LIMS1: variants seen among roughly 807,000 people sequenced by gnomAD.
LIMS1 encodes LIM and senescent cell antigen-like-containing domain protein 1.
Under a neutral mutation model 44.1 loss-of-function variants are expected in LIMS1, and 18 were observed. That is an observed-to-expected ratio of 0.41 (90% CI 0.28 to 0.61). The LOEUF is 0.61. LIMS1 is among the 20% of genes least tolerant of loss of function. The pLI, the probability that LIMS1 is intolerant of heterozygous loss-of-function variation, is 0.32. For synonymous variants in LIMS1, 93 were observed against 149.1 expected (o/e 0.62, Z 2.74); for missense variants, 201 against 422.0 (o/e 0.48, Z 4.59).
chr2:108,676,088 C>T (rs1692542433), intron 6 of LIMS1, 60 bp downstream of exon 6: 1 of 1,515,984 alleles, frequency 6.6e-7, no homozygotes, highest in Non-Finnish European at 8.9e-7. Flanking sequence ...TAAGGGGTAA[C>T]CAATACTTTC....
At chr2:108,592,090 C>T (rs1231286564) in intron 1 of LIMS1, among the ~76,000 whole-genome samples, 1 of 152,236 alleles carries the variant, frequency 6.6e-6, no homozygotes, top group East Asian at 1.9e-4. Context: ...CCACCACGCC[C>T]AGCCTAGTTT....
At chr2:108,647,926 A>G (rs1573546771) in intron 1 of LIMS1, among the ~76,000 whole-genome samples, 2 of 152,254 alleles carry the variant, frequency 1.3e-5, no homozygotes, top group East Asian at 1.9e-4. Context: ...GCCCTCTCTT[A>G]CCACTCCTAT....
chr2:108,603,266 C>G (rs1687104679), intron 1 of LIMS1, among the ~76,000 whole-genome samples: 1 of 152,006 alleles, frequency 6.6e-6, no homozygotes, highest in South Asian at 2.1e-4. Context: ...CAGGTCCTGG[C>G]CTTTTCTTTA....
intron 1 of LIMS1, among the ~76,000 whole-genome samples, chr2:108,648,501 G>T (rs1341725350): frequency 6.6e-6 from 1 of 152,120 alleles, no homozygotes; most frequent in Non-Finnish European, 1.5e-5. Context: ...GCATAGCCAA[G>T]ACATTCCTAA....
At chr2:108,644,621 G>A (rs189440701) in intron 1 of LIMS1, among the ~76,000 whole-genome samples, 1 of 152,124 alleles carries the variant, frequency 6.6e-6, no homozygotes, top group Non-Finnish European at 1.5e-5. Flanking sequence ...TTGCCAGCAA[G>A]GGAGCAAAAC....
At chr2:108,685,823 G>T (rs1490621666) in exon 10 of LIMS1, 1 of 152,146 alleles carries the variant, frequency 6.6e-6, no homozygotes, top group African/African-American at 2.4e-5. Context: ...ACAGAACAGG[G>T]TTTGCAGTAT....
exon 10 of LIMS1, chr2:108,683,935 A>G (rs1693176602): frequency 2.7e-5 from 43 of 1,605,898 alleles, no homozygotes; most frequent in Non-Finnish European, 3.7e-5. Context: ...AAGTGCTATG[A>G]GAAATTTCCA....
At chr2:108,547,158 C>T (rs1413078072) in intron 1 of LIMS1, among the ~76,000 whole-genome samples, 2 of 152,196 alleles carry the variant, frequency 1.3e-5, no homozygotes, top group African/African-American at 4.8e-5. Context: ...TGGTGTGCTT[C>T]CACACTTACT....
intron 1 of LIMS1, among the ~76,000 whole-genome samples, chr2:108,565,212 G>A (rs931444909): frequency 1.8e-4 from 28 of 152,100 alleles, no homozygotes; most frequent in African/African-American, 6.5e-4. Context: ...TTTTTAAATG[G>A]AATGTATGGA....
chr2:108,555,930 CT>C (rs1684911064), intron 1 of LIMS1, among the ~76,000 whole-genome samples: 1 of 151,988 alleles, frequency 6.6e-6, no homozygotes, highest in African/African-American at 2.4e-5. Context: ...ATTGGAAATG[CT>C]TTGAAAACTT....
chr2:108,577,871 G>A (rs374489645), intron 1 of LIMS1, among the ~76,000 whole-genome samples: 1 of 152,082 alleles, frequency 6.6e-6, no homozygotes, highest in East Asian at 1.9e-4. Flanking sequence ...CCGTGTGACT[G>A]TTAAATGCTA....
chr2:108,548,277 T>C (rs536765451), intron 1 of LIMS1, among the ~76,000 whole-genome samples: 18 of 137,682 alleles, frequency 1.3e-4, no homozygotes, highest in Non-Finnish European at 2.5e-4. Context: ...ATTTTAACAA[T>C]GTTTGGGTTT....
chr2:108,541,154 C>G (rs1423641869), intron 1 of LIMS1, among the ~76,000 whole-genome samples: 1 of 152,208 alleles, frequency 6.6e-6, no homozygotes, highest in Non-Finnish European at 1.5e-5. Flanking sequence ...GCAACTTTTT[C>G]CTCCCCAGAG....
At chr2:108,573,198 A>G (rs1178323053) in intron 1 of LIMS1, among the ~76,000 whole-genome samples, 1 of 152,190 alleles carries the variant, frequency 6.6e-6, no homozygotes, top group South Asian at 2.1e-4. Flanking sequence ...ACTTACTCTC[A>G]ATTTCTGCAC....
intron 1 of LIMS1, among the ~76,000 whole-genome samples, chr2:108,590,068 A>G (rs1220029963): frequency 1.3e-5 from 2 of 152,218 alleles, no homozygotes; most frequent in Non-Finnish European, 2.9e-5. Context: ...AGGGGTGATT[A>G]TTTACCCACA....
chr2:108,534,510 A>T, exon 1 of LIMS1: 1 of 1,181,650 alleles, frequency 8.5e-7, no homozygotes, highest in Non-Finnish European at 1.1e-6. Flanking sequence ...ACGCGGCTGG[A>T]GCGGCGCCGG....
At chr2:108,590,090 T>C (rs1397145259) in intron 1 of LIMS1, among the ~76,000 whole-genome samples, 1 of 152,246 alleles carries the variant, frequency 6.6e-6, no homozygotes, top group Non-Finnish European at 1.5e-5. Flanking sequence ...AAGAATCTTT[T>C]GCTTTACTAC....
intron 8 of LIMS1, 72 bp from the exon 9 acceptor site, chr2:108,680,623 G>A: frequency 6.5e-7 from 1 of 1,544,736 alleles, no homozygotes; most frequent in Non-Finnish European, 8.8e-7. Context: ...TTTTGGAGTT[G>A]AAATTCTAAG....
At chr2:108,539,372 A>G (rs904793428) in intron 1 of LIMS1, among the ~76,000 whole-genome samples, 2 of 152,230 alleles carry the variant, frequency 1.3e-5, no homozygotes, top group Non-Finnish European at 2.9e-5. Flanking sequence ...GGCGCGAGCC[A>G]CTGCACCCAG....
Sources: allele counts gnomAD v4.1 joint callset (sites outside exome capture counted in the v4.1 genomes callset), GRCh38; gene constraint gnomAD v4.1.1; transcripts MANE v1.5; gene names NCBI Gene and HGNC (gene_info 2026-07-23, HGNC 2026-07-21).